The following RBM19 variants were observed in gnomAD, a reference collection of about 807,000 sequenced individuals.
RBM19 encodes probable RNA-binding protein 19.
In RBM19, 94 loss-of-function variants were observed where a neutral mutation model predicts 116.8. The ratio of observed to expected loss-of-function variants is 0.80; its 90% CI spans 0.68 to 0.95. RBM19 has a LOEUF of 0.95. RBM19 is among the 40% of genes least tolerant of loss of function. The pLI is 0.00. For synonymous variants in RBM19, 475 were observed against 494.1 expected, an observed-to-expected ratio of 0.96 and a Z score of 0.51; for missense variants, 1,161 against 1,220.7, an observed-to-expected ratio of 0.95 and a Z score of 0.73.
intron 14 of RBM19, among the ~76,000 whole-genome samples, chr12:113,940,976 C>T (rs928759653): frequency 6.6e-6 from 1 of 152,006 alleles, no homozygotes; most frequent in Non-Finnish European, 1.5e-5. Context: ...ACTCTGAAAA[C>T]GTTAGCAATA....
At chr12:113,846,435 C>T (rs1489508157) in intron 22 of RBM19, among the ~76,000 whole-genome samples, 1 of 152,168 alleles carries the variant, frequency 6.6e-6, no homozygotes, top group African/African-American at 2.4e-5. Flanking sequence ...AAATAGGTAG[C>T]TGCAGATGTA....
chr12:113,859,108 A>C (rs533989748), intron 21 of RBM19, among the ~76,000 whole-genome samples: 2 of 152,312 alleles, frequency 1.3e-5, no homozygotes, highest in Admixed American at 1.3e-4. Context: ...GGGAACAATC[A>C]GGCTGGAGAT....
chr12:113,960,763 T>G (rs1438094118), intron 2 of RBM19, among the ~76,000 whole-genome samples: 1 of 152,266 alleles, frequency 6.6e-6, no homozygotes, highest in East Asian at 1.9e-4. Flanking sequence ...TTAATTATCA[T>G]AAAGTAAGCT....
intron 21 of RBM19, among the ~76,000 whole-genome samples, chr12:113,859,488 G>A (rs1336056294): frequency 6.6e-6 from 1 of 152,142 alleles, no homozygotes; most frequent in Admixed American, 6.5e-5. Context: ...TCCCCTCCCT[G>A]TGAGCTTTCA....
chr12:113,823,119 C>A lies in RBM19; in HGVS notation c.*105G>T, dbSNP rs1032965255. ...GACCAGTGCAGGGTGGGGCCGCCTG[C>A]CGCTCCCCGCCCCGCCCCCCAGCCC... On this transcript the variant is annotated 3_prime_UTR_variant, in exon 24 of 24. Transcript: ENST00000261741. The A allele has an allele frequency of 8.5e-6, 9 of 1,064,096 alleles. No individual in the cohort carries two copies. Among genetic ancestry groups the A allele is most frequent in the Non-Finnish European group, 1.2e-5 (9 of 735,598 alleles). The allele number at this position is 1,064,096 out of a possible 1,614,324, so 65.9% of individuals were successfully genotyped here. A position where few individuals can be genotyped will look rare whatever the true frequency, so the allele number is the denominator to read the frequency against.
chr12:113,840,122 AT>A (rs1224819255), intron 23 of RBM19, among the ~76,000 whole-genome samples: 2 of 152,174 alleles, frequency 1.3e-5, no homozygotes, highest in African/African-American at 4.8e-5. Flanking sequence ...AGTTTCATGG[AT>A]TCTTAGTTAA....
intron 23 of RBM19, among the ~76,000 whole-genome samples, chr12:113,824,959 TCCCCCTGCTCAAGACCTTTGCA>T (rs1255391506): frequency 6.6e-6 from 1 of 151,792 alleles, no homozygotes; most frequent in Non-Finnish European, 1.5e-5. Flanking sequence ...CTGGCCCACC[TCCCCCTGCTCAAGACCTTTGCA>T]CCGGCAGCAC....
chr12:113,900,150 C>G lies in RBM19; in HGVS notation c.2558+14819G>C, dbSNP rs142347012. ...CAGCTGCAGCGGAAGCCCGAGCCTG[C>G]GAAATCTCAAAGGAAGGACGAAAAC... On this transcript the variant is annotated intron_variant, in intron 21 of 23. Coordinates refer to ENST00000261741, the MANE Select transcript of RBM19 (RefSeq NM_016196.4). Among the ~76,000 whole-genome samples the G allele has an allele frequency of 2.9e-3, 447 of 152,244 alleles. 5 individuals are homozygous for G. Among genetic ancestry groups the G allele is most frequent in the African/African-American group, 0.01 (432 of 41,540 alleles).
intron 19 of RBM19, among the ~76,000 whole-genome samples, chr12:113,919,394 A>G (rs534793779): frequency 6.6e-6 from 1 of 152,160 alleles, no homozygotes; most frequent in South Asian, 2.1e-4. Context: ...ACACGGTGAA[A>G]CCCCGTCTCT....
At chr12:113,868,805 T>C (rs1225248452) in intron 21 of RBM19, among the ~76,000 whole-genome samples, 1 of 152,210 alleles carries the variant, frequency 6.6e-6, no homozygotes, top group African/African-American at 2.4e-5. Flanking sequence ...CACCAGGGAC[T>C]GTATACAGCA....
rs747722849 is a variant in RBM19 at position 113,962,376 on chromosome 12, G to A, written c.75C>T (p.Phe25=). Residue 25 remains phenylalanine, a synonymous_variant, in exon 2 of 24, where the codon TTC becomes TTT. Coordinates refer to ENST00000261741, the MANE Select transcript of RBM19 (RefSeq NM_016196.4). Reference sequence around the variant, plus strand: ...TCAGGCTGCAGTCTGTCAGCGTGCCGAAGGCGGCAAACAGCTGCCTGAAAC... The same window carrying A: ...TCAGGCTGCAGTCTGTCAGCGTGCCAAAGGCGGCAAACAGCTGCCTGAAAC... ...EERFRQLFAA[F]GTLTDCSLKF... 12 of 1,614,066 alleles carry A rather than the reference G, an allele frequency of 7.4e-6. No individual in the cohort carries two copies. Among genetic ancestry groups the A allele is most frequent in the East Asian group, 6.7e-5 (3 of 44,896 alleles).
At chr12:113,932,539 C>T (rs766963936) in intron 16 of RBM19, 4 of 152,250 alleles carry the variant, frequency 2.6e-5, no homozygotes, top group East Asian at 1.9e-4. Context: ...CAGTGCCAGG[C>T]GTCCGAGTCC....
intron 16 of RBM19, among the ~76,000 whole-genome samples, chr12:113,931,697 A>G (rs926592687): frequency 1.3e-5 from 2 of 151,652 alleles, no homozygotes; most frequent in African/African-American, 4.8e-5. Flanking sequence ...CCCCCTTCCT[A>G]CCACAGGGCC....
chr12:113,853,914 A>C (rs1027567957), intron 22 of RBM19, among the ~76,000 whole-genome samples: 1 of 152,066 alleles, frequency 6.6e-6, no homozygotes, highest in African/African-American at 2.4e-5. Context: ...GCCTTCCTCC[A>C]AAGTGTCCCT....
At chr12:113,936,103 C>A (rs1363627551) in intron 16 of RBM19, among the ~76,000 whole-genome samples, 1 of 150,578 alleles carries the variant, frequency 6.6e-6, no homozygotes, top group Non-Finnish European at 1.5e-5. Flanking sequence ...TTTTTTTTAA[C>A]TATGAAATGT....
chr12:113,858,225 T>C (rs1185770804), intron 22 of RBM19, among the ~76,000 whole-genome samples: 2 of 152,142 alleles, frequency 1.3e-5, no homozygotes, highest in African/African-American at 4.8e-5. Flanking sequence ...CCGCCTTGCT[T>C]CAAAAATAAA....
At chr12:113,818,792 G>A (rs1029774574), downstream of RBM19, among the ~76,000 whole-genome samples, 8 of 152,044 alleles carry the variant, frequency 5.3e-5, no homozygotes, top group East Asian at 1.9e-4. Flanking sequence ...TCCTCCTCCC[G>A]TCCCCACTGT....
At chr12:113,872,410 C>T (rs570358833) in intron 21 of RBM19, among the ~76,000 whole-genome samples, 12 of 146,488 alleles carry the variant, frequency 8.2e-5, no homozygotes, top group East Asian at 4.4e-4. Context: ...GTCAGCCCTC[C>T]GCCCGGCCAG....
chr12:113,916,434 A>G (rs368769371), intron 20 of RBM19, among the ~76,000 whole-genome samples: 91 of 152,204 alleles, frequency 6.0e-4, no homozygotes, highest in African/African-American at 2.0e-3. Flanking sequence ...AAAACTACAA[A>G]TTCACTTCCT....
Sources: gnomAD v4.1 joint callset for allele counts (sites outside exome capture counted in the v4.1 genomes callset) on GRCh38, gnomAD v4.1.1 for gene constraint, MANE v1.5 for transcripts, NCBI Gene and HGNC (gene_info 2026-07-23, HGNC 2026-07-21) for gene names.